The following ASTN2 variants were observed in gnomAD, a reference collection of about 807,000 sequenced individuals.
ASTN2 encodes the protein astrotactin 2, also known as astrotactin-2.
Under a neutral mutation model 139.8 loss-of-function variants are expected in ASTN2, and 54 were observed. The observed-to-expected ratio is 0.39, with a 90% CI of 0.31 to 0.48. The LOEUF (loss-of-function observed/expected upper bound fraction) is 0.48, where lower values mean the gene tolerates loss of function less well. Among genes scored for constraint, ASTN2 ranks in the 20% least tolerant of loss-of-function variants. The pLI is 0.95. For synonymous variants in ASTN2, 756 were observed against 719.5 expected, an observed-to-expected ratio of 1.05 and a Z score of -0.81; for missense variants, 1,565 against 1,725.1, an observed-to-expected ratio of 0.91 and a Z score of 1.64.
chr9:116,619,481 TC>T (rs1856015123), intron 18 of ASTN2, among the ~76,000 whole-genome samples: 1 of 151,960 alleles, frequency 6.6e-6, no homozygotes, highest in South Asian at 2.1e-4. Context: ...CCCATTATTC[TC>T]CCTAATAGCA....
intron 19 of ASTN2, among the ~76,000 whole-genome samples, chr9:116,502,141 A>ATGTG (rs35212715): frequency 0.32 from 47,956 of 150,640 alleles, 8,568 homozygotes; most frequent in Admixed American, 0.43. Context: ...AGATTTCCAA[A>ATGTG]TGTGTGTGTG....
rs1393925067 is a variant in ASTN2, at chr9:116,618,402, C to G, written c.3277G>C (p.Ala1093Pro). 6.2e-7 allele frequency: 1 copy of G among 1,614,192 alleles called. No individual in the cohort carries two copies. Among genetic ancestry groups the G allele is most frequent in the Admixed American group, 1.7e-5 (1 of 60,016 alleles). ...VSLEWVDVQP[A>P]IGTKVSDYIL... ...TAGTCGGAGACCTTGGTCCCAATAG[C>G]TGGCTGAACATCCACCCACTCCAAG... The change falls in exon 19 of 23, where the codon GCT becomes CCT. Residue 1093 changes from alanine (A) to proline (P), a missense_variant. Around this residue, in one of 4 missense-constraint regions of ASTN2, gnomAD observed 418 missense variants for 465.8 expected, o/e 0.90. Transcript: ENST00000313400.
At chr9:117,173,811 T>C (rs1192835222) in intron 3 of ASTN2, among the ~76,000 whole-genome samples, 1 of 151,562 alleles carries the variant, frequency 6.6e-6, no homozygotes, top group Non-Finnish European at 1.5e-5. Flanking sequence ...AGAATGGCAA[T>C]AATAATAAAG....
intron 19 of ASTN2, among the ~76,000 whole-genome samples, chr9:116,565,351 T>TTA (rs1853134912): frequency 2.8e-5 from 1 of 36,004 alleles, no homozygotes; most frequent in Admixed American, 3.3e-4. Context: ...AAGACACTGT[T>TTA]TCTCTCTCTC....
chr9:117,118,298 C>T (rs1268440798), intron 4 of ASTN2, among the ~76,000 whole-genome samples: 1 of 152,130 alleles, frequency 6.6e-6, no homozygotes. Context: ...CAGTTGCCCC[C>T]ATCCTAGATC....
chr9:117,356,604 T>G (rs1331735495), intron 1 of ASTN2, among the ~76,000 whole-genome samples: 1 of 152,234 alleles, frequency 6.6e-6, no homozygotes, highest in Non-Finnish European at 1.5e-5. Context: ...AATCTGATCT[T>G]CAATTTTAAT....
chr9:117,043,340 G>T (rs1251779357), intron 5 of ASTN2, among the ~76,000 whole-genome samples: 1 of 152,164 alleles, frequency 6.6e-6, no homozygotes, highest in South Asian at 2.1e-4. Context: ...TGGACAGTGA[G>T]TCATGGATAA....
chr9:117,133,052 G>A (rs1482791111), intron 4 of ASTN2, among the ~76,000 whole-genome samples: 1 of 152,132 alleles, frequency 6.6e-6, no homozygotes, highest in Non-Finnish European at 1.5e-5. Context: ...ATTGCACTTA[G>A]GGCAGGGTTG....
chr9:116,445,197 C>T (rs552402241), intron 20 of ASTN2, among the ~76,000 whole-genome samples: 1 of 152,266 alleles, frequency 6.6e-6, no homozygotes, highest in East Asian at 1.9e-4. Flanking sequence ...AAGCATACCA[C>T]CTCTCATTTC....
At chr9:117,316,107 A>T (rs1297326934) in intron 1 of ASTN2, among the ~76,000 whole-genome samples, 1 of 152,230 alleles carries the variant, frequency 6.6e-6, no homozygotes, top group Non-Finnish European at 1.5e-5. Flanking sequence ...CACAAATTGC[A>T]TGGCTTAGAC....
intron 2 of ASTN2, among the ~76,000 whole-genome samples, chr9:117,223,102 T>G (rs575288537): frequency 6.6e-6 from 1 of 152,314 alleles, no homozygotes; most frequent in Non-Finnish European, 1.5e-5. Context: ...TAAAATTTTT[T>G]TATGCCGTAG....
At position 117,414,490 on chromosome 9, in the gene ASTN2, G is replaced by C. The variant is rs771381017; in HGVS notation, c.442+7C>G. 6.2e-7 allele frequency: 1 copy of C among 1,608,312 alleles called. No individual in the cohort carries two copies. Among genetic ancestry groups the C allele is most frequent in the Non-Finnish European group, 8.5e-7 (1 of 1,177,852 alleles). ...GGGATCTAGCGCGTGCCGGCGCCCA[G>C]CCTTACCCAGGGTGAAGAAGGGCAG... On this transcript the variant is annotated splice_region_variant and intron_variant, in intron 1 of 22. Transcript: ENST00000313400. This position sits in a 1 kb window ranked among gnomAD's most constrained non-coding sequence, Gnocchi z 4.2.
intron 2 of ASTN2, among the ~76,000 whole-genome samples, chr9:117,279,520 A>G (rs1007920907): frequency 6.6e-6 from 1 of 152,222 alleles, no homozygotes; most frequent in Non-Finnish European, 1.5e-5. Flanking sequence ...AGAGAAGTTA[A>G]GTAACTTAAC....
chr9:116,775,844 G>GCAGGCAGGCAGA (rs1830076605), intron 13 of ASTN2, among the ~76,000 whole-genome samples: 1 of 151,574 alleles, frequency 6.6e-6, no homozygotes, highest in African/African-American at 2.4e-5. Flanking sequence ...AGGCAGGCAG[G>GCAGGCAGGCAGA]CAGGCAGGCA....
At chr9:117,410,081 G>A (rs376484745) in intron 1 of ASTN2, among the ~76,000 whole-genome samples, 16 of 152,106 alleles carry the variant, frequency 1.1e-4, no homozygotes, top group East Asian at 3.9e-4. Flanking sequence ...CAGATCACAC[G>A]CCTCTCCTGT....
chr9:117,358,291 C>T (rs140625663), intron 1 of ASTN2, among the ~76,000 whole-genome samples: 1 of 128,258 alleles, frequency 7.8e-6, no homozygotes, highest in East Asian at 2.6e-4. Flanking sequence ...CACACACACA[C>T]ACACATACAC....
intron 16 of ASTN2, among the ~76,000 whole-genome samples, chr9:116,672,992 CA>C (rs1388390713): frequency 2.6e-5 from 4 of 152,204 alleles, no homozygotes; most frequent in Non-Finnish European, 5.9e-5. Flanking sequence ...GGTCTGAAGG[CA>C]GGGAACATAA....
chr9:116,630,947 G>GA (rs1226883562), intron 17 of ASTN2, among the ~76,000 whole-genome samples: 3 of 152,056 alleles, frequency 2.0e-5, no homozygotes, highest in African/African-American at 2.4e-5. Context: ...CCAAGTATAT[G>GA]AAAAAAATGC....
chr9:116,695,015 A>G (rs1477442617), intron 16 of ASTN2, among the ~76,000 whole-genome samples: 6 of 152,196 alleles, frequency 3.9e-5, no homozygotes, highest in East Asian at 1.9e-4. Flanking sequence ...TCATAACTAT[A>G]TTAGTGTTCC....
Sources: allele counts gnomAD v4.1 joint callset (sites outside exome capture counted in the v4.1 genomes callset), GRCh38; gene constraint gnomAD v4.1.1; regional missense constraint gnomAD v4.1.1; non-coding constraint Gnocchi (gnomAD v3.1); transcripts MANE v1.5; gene names NCBI Gene and HGNC (gene_info 2026-07-23, HGNC 2026-07-21).